Variants in ADRM1 observed in about 807,000 individuals in gnomAD.
ADRM1 encodes ADRM1 26S proteasome ubiquitin receptor.
A neutral mutation model predicts 40.1 loss-of-function variants in ADRM1; 2 were observed. The observed-to-expected ratio is 0.05, with a 90% confidence interval of 0.02 to 0.16. The LOEUF (loss-of-function observed/expected upper bound fraction) is 0.16, where lower values mean the gene tolerates loss of function less well. Ranked by LOEUF, ADRM1 falls within the 10% of genes least tolerant of loss-of-function variation. ADRM1 has a pLI of 1.00. For missense variants in ADRM1, 467 were observed against 552.5 expected (o/e 0.85, Z 1.55); for synonymous variants, 287 against 240.4 (o/e 1.19, Z -1.79).
chr20:62,307,111 T>G (rs1261952076), intron 5 of ADRM1, among the ~76,000 whole-genome samples: 1 of 152,202 alleles, frequency 6.6e-6, no homozygotes, highest in African/African-American at 2.4e-5. Flanking sequence ...CTTGTCCCTT[T>G]GGGTGGGATC....
At chr20:62,304,162 A>G in intron 2 of ADRM1, 1 of 484,606 alleles carries the variant, frequency 2.1e-6, no homozygotes, top group East Asian at 3.7e-5. Flanking sequence ...GTTACATTTG[A>G]GAGCAGTTCA....
Position 62,308,739 on chromosome 20 carries a change from A to T in ADRM1, c.1202A>T (p.Glu401Val), listed in dbSNP as rs368420066. Reference sequence around the variant, plus strand: ...GACACGAAGGACAAGAAGGACGAAGAGGAGGACATGAGCCTGGACTGAGCC... The same window carrying T: ...GACACGAAGGACAAGAAGGACGAAGTGGAGGACATGAGCCTGGACTGAGCC... The part of the protein sequence containing the change: ...EGDTKDKKDE[E>V]EDMSLD Residue 401 changes from glutamate (E) to valine (V), a missense_variant, in exon 10 of 10, where the codon GAG becomes GTG. Coordinates refer to ENST00000253003, the MANE Select transcript of ADRM1 (RefSeq NM_007002.4). 6.2e-7 allele frequency: 1 copy of T among 1,613,022 alleles called. No individual in the cohort carries two copies.
rs1308721485 is a variant in ADRM1 at position 62,304,443 on chromosome 20, C to A, written c.214-18C>A. On this transcript the variant is annotated intron_variant, in intron 2 of 9. Coordinates refer to ENST00000253003, the MANE Select transcript of ADRM1 (RefSeq NM_007002.4). ...ATGCCATCTGCGCCACTGACTCTCT[C>A]TTCCCCTGGCTTGCCAGGACTTGAT... 6.2e-7 allele frequency: 1 copy of A among 1,606,326 alleles called. No homozygotes were observed. The highest frequency in any genetic ancestry group is 1.7e-5 in the Admixed American group (1 of 59,886).
rs533133541 is a variant in ADRM1, at chr20:62,307,239, G to A, written c.542-132G>A. ...CGCCCCACGCCGCTCCTCCAGGCCTGTGGGTCCCCACCGCCCCGCTTCTTC... is the reference window on the plus strand; with the variant it reads ...CGCCCCACGCCGCTCCTCCAGGCCTATGGGTCCCCACCGCCCCGCTTCTTC... On this transcript the variant is annotated intron_variant, in intron 5 of 9. Coordinates refer to ENST00000253003, the MANE Select transcript of ADRM1 (RefSeq NM_007002.4). 116 of 869,098 alleles carry A rather than the reference G, an allele frequency of 1.3e-4. No individual in the cohort carries two copies. The African/African-American group carries it at 1.9e-3, about 14-fold the overall frequency. 53.8% of individuals were successfully genotyped at this position (869,098 alleles called of 1,614,324 possible).
chr20:62,304,083 G>C (rs545485311), intron 2 of ADRM1: 49 of 511,390 alleles, frequency 9.6e-5, no homozygotes, highest in African/African-American at 8.4e-4. Context: ...TGGCCCTGGA[G>C]AGCCTGGAGC....
intron 3 of ADRM1, among the ~76,000 whole-genome samples, chr20:62,304,826 A>T (rs748224088): frequency 6.6e-6 from 1 of 152,220 alleles, no homozygotes; most frequent in Non-Finnish European, 1.5e-5. Context: ...GCAGACAGAC[A>T]TGCTGGCCCT....
At position 62,306,327 on chromosome 20, in the gene ADRM1, G is replaced by C. The variant is rs1984952299; in HGVS notation, c.454+7G>C. On this transcript the variant is annotated splice_region_variant and intron_variant, in intron 4 of 9. Transcript: ENST00000253003. The stretch of plus-strand genomic sequence containing the variant: ...GAACTCTCTGCGCTAGGCGGTAACT[G>C]TCACATGTGTCACGTGAGCTCAGGG... 1 of 1,612,698 alleles carries C rather than the reference G, an allele frequency of 6.2e-7. No homozygotes were observed. Among genetic ancestry groups the C allele is most frequent in the South Asian group, 1.1e-5 (1 of 91,074 alleles).
chr20:62,303,172 T>C, intron 1 of ADRM1, 123 bp downstream of exon 1: 1 of 141,564 alleles, frequency 7.1e-6, no homozygotes, highest in Non-Finnish European at 1.5e-5. Flanking sequence ...GGGTGGGGCC[T>C]GCGGGGGCCG....
Position 62,305,876 on chromosome 20 carries a change from A to G in ADRM1, c.331-321A>G, listed in dbSNP as rs1984859236. Reference sequence around the variant, plus strand: ...TGTAAAGAACCGCACCCCAGAGGGCAGGAGGGTGAGAGGGCTTGGTCTGGC... The same window carrying G: ...TGTAAAGAACCGCACCCCAGAGGGCGGGAGGGTGAGAGGGCTTGGTCTGGC... On this transcript the variant is annotated intron_variant, in intron 3 of 9. Transcript: ENST00000253003. The G allele has an allele frequency of 9.1e-6, 3 of 331,250 alleles. No individual in the cohort carries two copies. In the South Asian group the frequency reaches 9.9e-5, roughly 11 times the overall value. The allele number at this position is 331,250 out of a possible 1,614,324, so 20.5% of individuals were successfully genotyped here.
chr20:62,303,625 C>A lies in ADRM1; in HGVS notation c.57C>A (p.Ser19=). 6.2e-7 allele frequency: 1 copy of A among 1,608,206 alleles called. No individual in the cohort carries two copies. The highest frequency in any genetic ancestry group is 8.5e-7 in the Non-Finnish European group (1 of 1,178,520). Residue 19 remains serine, a synonymous_variant, in exon 2 of 10, where the codon TCC becomes TCA. Coordinates refer to ENST00000253003, the MANE Select transcript of ADRM1 (RefSeq NM_007002.4). ...PSLVPGSRGA[S]NKYLVEFRAG... is the part of the protein sequence containing the mutation. ...TGGTGCCAGGCTCTCGGGGCGCCTC[C>A]AACAAGTACTTGGTGGAGTTTCGGG...
intron 5 of ADRM1, among the ~76,000 whole-genome samples, chr20:62,307,004 T>TG (rs930001976): frequency 6.6e-6 from 1 of 152,076 alleles, no homozygotes; most frequent in African/African-American, 2.4e-5. Flanking sequence ...TGGAGGGAGC[T>TG]GGGGTTCCTG....
Position 62,303,614 on chromosome 20 carries a change from C to T in ADRM1, c.46C>T (p.Arg16Trp). 2 of 1,605,468 alleles carry T rather than the reference C, an allele frequency of 1.2e-6. No individual in the cohort carries two copies. The highest frequency in any genetic ancestry group is 1.3e-5 in the African/African-American group (1 of 74,472). The change falls in exon 2 of 10, where the codon CGG becomes TGG. Residue 16 changes from arginine to tryptophan, a missense_variant. Arg to Trp is a moderately radical substitution (Grantham distance 101, BLOSUM62 -3). This residue lies in a region of ADRM1 where 33 missense variants were observed against 28.8 expected (regional missense o/e 1.15). Transcript: ENST00000253003. ...CTTTCCAAGCCTGGTGCCAGGCTCTCGGGGCGCCTCCAACAAGTACTTGGT... is the reference window on the plus strand; with the variant it reads ...CTTTCCAAGCCTGGTGCCAGGCTCTTGGGGCGCCTCCAACAAGTACTTGGT... ...ALFPSLVPGS[R>W]GASNKYLVEF...
At chr20:62,304,659 CT>C in intron 3 of ADRM1, 82 bp downstream of exon 3, 3 of 1,401,994 alleles carry the variant, frequency 2.1e-6, no homozygotes, top group Non-Finnish European at 3.0e-6. Context: ...GTGCAATTGG[CT>C]TTTATAAACC....
intron 3 of ADRM1, among the ~76,000 whole-genome samples, chr20:62,305,214 C>CG (rs1393534607): frequency 2.6e-5 from 4 of 152,174 alleles, no homozygotes; most frequent in African/African-American, 9.7e-5. Context: ...AAACTGGTGG[C>CG]GGGCCTGTGG....
rs1029736084 is a variant in ADRM1, at chr20:62,308,196, G to C, written c.1014+18G>C. On this transcript the variant is annotated intron_variant, in intron 8 of 9. Coordinates refer to ENST00000253003, the MANE Select transcript of ADRM1 (RefSeq NM_007002.4). Reference sequence around the variant, plus strand: ...TCCAGCAGGTAGAGGCCGGGCCCAGGGTGTCCTCCACTGTGTGCTCAGGGA... The same window carrying C: ...TCCAGCAGGTAGAGGCCGGGCCCAGCGTGTCCTCCACTGTGTGCTCAGGGA... 14 of 1,594,492 alleles carry C rather than the reference G, an allele frequency of 8.8e-6. No homozygotes were observed. Among genetic ancestry groups the C allele is most frequent in the Non-Finnish European group, 1.2e-5 (14 of 1,174,516 alleles).
intron 9 of ADRM1, 85 bp downstream of exon 9, chr20:62,308,555 G>A: frequency 6.4e-7 from 1 of 1,561,838 alleles, no homozygotes; most frequent in East Asian, 2.3e-5. Context: ...GTGGGGCTGA[G>A]GGGGTAAAGG....
At position 62,307,816 on chromosome 20, in the gene ADRM1, G is replaced by A; in HGVS notation, c.844G>A (p.Gly282Ser). The A allele has an allele frequency of 6.2e-7, 1 of 1,607,642 alleles. No homozygotes were observed. Among genetic ancestry groups the A allele is most frequent in the Non-Finnish European group, 8.5e-7 (1 of 1,177,922 alleles). ...GATGAACGTACCAGCCGGGCCAGCA[G>A]GCGGCCAGCAAGGTAACGTGTGCTG... ...ATMNVPAGPA[G>S]GQQVDLASVL... The change falls in exon 7 of 10, where the codon GGC becomes AGC. Residue 282 changes from glycine to serine, a missense_variant. Physicochemically the swap from Gly to Ser is moderately conservative, Grantham distance 56. Coordinates refer to ENST00000253003, the MANE Select transcript of ADRM1 (RefSeq NM_007002.4).
chr20:62,306,141 G>C, intron 3 of ADRM1, 56 bp from the exon 4 acceptor site: 1 of 1,575,854 alleles, frequency 6.3e-7, no homozygotes. Flanking sequence ...GATGGCTGTG[G>C]TGGCCCTGGG....
At position 62,307,711 on chromosome 20, in the gene ADRM1, A is replaced by C. The variant is rs1985302987; in HGVS notation, c.739A>C (p.Ser247Arg). The C allele has an allele frequency of 6.2e-7, 1 of 1,612,140 alleles. No individual in the cohort carries two copies. The highest frequency in any genetic ancestry group is 8.5e-7 in the Non-Finnish European group (1 of 1,179,820). Residue 247 changes from serine to arginine, a missense_variant, in exon 7 of 10, where the codon AGT (serine) becomes CGT (arginine). Ser to Arg is a moderately radical substitution (Grantham distance 110). Transcript: ENST00000253003. ...ASATSPSPAP[S>R]SGNGASTAAS... Reference sequence around the variant, plus strand: ...AGCAACTAGCCCGAGCCCCGCGCCCAGTTCCGGGAATGGAGCCAGCACAGC... The same window carrying C: ...AGCAACTAGCCCGAGCCCCGCGCCCCGTTCCGGGAATGGAGCCAGCACAGC...
Sources: gnomAD v4.1 joint callset for allele counts (sites outside exome capture counted in the v4.1 genomes callset) on GRCh38, gnomAD v4.1.1 for gene constraint, gnomAD v4.1.1 regional missense constraint, MANE v1.5 for transcripts, NCBI Gene and HGNC (gene_info 2026-07-23, HGNC 2026-07-21) for gene names.